Variants in TRERF1 observed in about 807,000 individuals in gnomAD.
The protein encoded by TRERF1 is transcriptional-regulating factor 1.
In TRERF1, 27 loss-of-function variants were observed where a neutral mutation model predicts 122.9. The observed-to-expected ratio is 0.22, with a 90% CI of 0.16 to 0.30. The LOEUF (loss-of-function observed/expected upper bound fraction) is 0.30, where lower values mean the gene tolerates loss of function less well. Ranked by LOEUF, TRERF1 falls within the 10% of genes least tolerant of loss-of-function variation. The pLI, the probability that TRERF1 is intolerant of heterozygous loss-of-function variation, is 1.00. For synonymous variants in TRERF1, 636 were observed against 641.7 expected (o/e 0.99, Z 0.13); for missense variants, 1,248 against 1,560.3 (o/e 0.80, Z 3.37).
chr6:42,228,510 G>T lies in TRERF1; in HGVS notation c.3438C>A (p.Pro1146=). ...GTTTGATCAGACTCAGCTGGTCCAG[G>T]GGCAGCAGCCCCGGCGCCCCCACGG... Residue 1146 remains proline, a synonymous_variant, in exon 18 of 18, where the codon CCC becomes CCA. Coordinates refer to ENST00000372922, the Ensembl canonical transcript of TRERF1. This position sits in a 1 kb window ranked among gnomAD's most constrained non-coding sequence, Gnocchi z 4.2. 1 of 1,614,142 alleles carries T rather than the reference G, an allele frequency of 6.2e-7. No homozygotes were observed. The highest frequency in any genetic ancestry group is 8.5e-7 in the Non-Finnish European group (1 of 1,180,034).
intron 13 of TRERF1, among the ~76,000 whole-genome samples, chr6:42,248,551 C>T (rs899935968): frequency 3.9e-5 from 6 of 152,198 alleles, no homozygotes; most frequent in African/African-American, 1.4e-4. Context: ...TGGGGATTCA[C>T]CAAGTTGGCC....
At chr6:42,320,661 C>A (rs1249122761) in intron 3 of TRERF1, among the ~76,000 whole-genome samples, 1 of 152,094 alleles carries the variant, frequency 6.6e-6, no homozygotes. Context: ...AGGCGCCCGC[C>A]ACAACGTCCG....
At chr6:42,334,760 G>GTTCA (rs1461373609) in intron 3 of TRERF1, among the ~76,000 whole-genome samples, 2 of 152,236 alleles carry the variant, frequency 1.3e-5, no homozygotes, top group African/African-American at 4.8e-5. Context: ...GAACCACAAA[G>GTTCA]GTGAAACAGG....
At chr6:42,267,727 T>C (rs968902061) in intron 5 of TRERF1, among the ~76,000 whole-genome samples, 2 of 152,248 alleles carry the variant, frequency 1.3e-5, no homozygotes, top group Non-Finnish European at 2.9e-5. Context: ...CACTGTGGAA[T>C]GGCTGTTCTG....
chr6:42,409,340 T>C (rs1780774065), intron 2 of TRERF1, among the ~76,000 whole-genome samples: 1 of 152,304 alleles, frequency 6.6e-6, no homozygotes, highest in African/African-American at 2.4e-5. Context: ...GATCTTCCAT[T>C]TTCCTGCTTT....
chr6:42,313,791 T>C (rs1762061188), intron 3 of TRERF1, among the ~76,000 whole-genome samples: 1 of 152,160 alleles, frequency 6.6e-6, no homozygotes. Flanking sequence ...TGTTAGGATA[T>C]GTGGGCCTCA....
chr6:42,246,527 A>C, exon 14 of TRERF1: 1 of 1,604,206 alleles, frequency 6.2e-7, no homozygotes, highest in South Asian at 1.1e-5. Context: ...CTTTCTAGGG[A>C]GGTCCACTTG....
intron 2 of TRERF1, among the ~76,000 whole-genome samples, chr6:42,387,650 A>G (rs990051680): frequency 2.0e-5 from 3 of 152,254 alleles, no homozygotes; most frequent in Non-Finnish European, 4.4e-5. Context: ...AGTGCTGAAC[A>G]CTGAATTCAT....
At chr6:42,389,200 T>C (rs567864862) in intron 2 of TRERF1, among the ~76,000 whole-genome samples, 1 of 152,342 alleles carries the variant, frequency 6.6e-6, no homozygotes, top group East Asian at 1.9e-4. Context: ...CTGAAATCTG[T>C]AAGGCTGTGG....
At chr6:42,404,163 C>T (rs956662871) in intron 2 of TRERF1, among the ~76,000 whole-genome samples, 17 of 152,202 alleles carry the variant, frequency 1.1e-4, no homozygotes, top group Non-Finnish European at 1.2e-4. Flanking sequence ...TTCTTCTGAG[C>T]AGATGCCTCT....
At chr6:42,411,986 T>G (rs1300344318) in intron 2 of TRERF1, among the ~76,000 whole-genome samples, 4 of 140,710 alleles carry the variant, frequency 2.8e-5, no homozygotes, top group Non-Finnish European at 6.0e-5. Context: ...TTATTTGAAT[T>G]TTTTTAAAAA....
intron 2 of TRERF1, among the ~76,000 whole-genome samples, chr6:42,401,659 T>C (rs915735798): frequency 2.0e-5 from 3 of 152,172 alleles, no homozygotes; most frequent in Non-Finnish European, 2.9e-5. Flanking sequence ...GGTGCCAGCA[T>C]GGATGGGGCA....
At chr6:42,256,916 T>G in intron 11 of TRERF1, 47 bp downstream of exon 11, 1 of 1,613,430 alleles carries the variant, frequency 6.2e-7, no homozygotes, top group Non-Finnish European at 8.5e-7. Context: ...GTGATCTCAG[T>G]GAGAGAATCA....
chr6:42,449,004 C>T (rs1270970055), intron 2 of TRERF1, among the ~76,000 whole-genome samples: 5 of 152,214 alleles, frequency 3.3e-5, no homozygotes, highest in African/African-American at 1.2e-4. Context: ...AAGAACACTG[C>T]AGTCTGTCTC....
chr6:42,251,057 C>T (rs186752280), intron 13 of TRERF1, among the ~76,000 whole-genome samples: 3 of 129,152 alleles, frequency 2.3e-5, no homozygotes, highest in East Asian at 2.3e-4. Flanking sequence ...AGTGCAGTGG[C>T]GTGATCTCAG....
chr6:42,442,503 C>T (rs1425527709), intron 2 of TRERF1, among the ~76,000 whole-genome samples: 1 of 152,152 alleles, frequency 6.6e-6, no homozygotes, highest in South Asian at 2.1e-4. Flanking sequence ...GCTGAGGGGC[C>T]CCACAGAAGG....
intron 4 of TRERF1, among the ~76,000 whole-genome samples, chr6:42,288,548 A>G (rs547786429): frequency 2.0e-5 from 3 of 148,892 alleles, no homozygotes; most frequent in African/African-American, 7.5e-5. Context: ...AGCCTGGGCA[A>G]CAAGAGCGAA....
chr6:42,272,547 T>C (rs551381490), intron 4 of TRERF1, among the ~76,000 whole-genome samples: 1 of 152,300 alleles, frequency 6.6e-6, no homozygotes, highest in African/African-American at 2.4e-5. Context: ...CTGTATTTTA[T>C]TGAGATGATG....
intron 2 of TRERF1, among the ~76,000 whole-genome samples, chr6:42,390,947 C>T (rs1049443843): frequency 1.3e-5 from 2 of 152,180 alleles, no homozygotes; most frequent in Non-Finnish European, 2.9e-5. Flanking sequence ...AGGGAGGGAT[C>T]ACCACTGGGA....
Sources: gnomAD v4.1 joint callset for allele counts (sites outside exome capture counted in the v4.1 genomes callset) on GRCh38, gnomAD v4.1.1 for gene constraint, Gnocchi (gnomAD v3.1) non-coding constraint, MANE v1.5 for transcripts, NCBI Gene and HGNC (gene_info 2026-07-23, HGNC 2026-07-21) for gene names.